Variants in PAPPA2 observed in about 807,000 individuals in gnomAD.
PAPPA2 encodes pappalysin 2.
Under a neutral mutation model 176.4 loss-of-function variants are expected in PAPPA2, and 86 were observed. That is an observed-to-expected ratio of 0.49 (90% CI 0.41 to 0.58). The LOEUF is 0.58. Ranked by LOEUF, PAPPA2 falls within the 20% of genes least tolerant of loss-of-function variation. The probability of loss-of-function intolerance (pLI) is 0.00; values close to 1 mark genes in which losing one functional copy is unlikely to be tolerated. For synonymous variants in PAPPA2, 809 were observed against 852.2 expected (o/e 0.95, Z 0.88); for missense variants, 2,073 against 2,256.9 (o/e 0.92, Z 1.65).
chr1:176,785,457 G>A (rs1381366684), intron 17 of PAPPA2, among the ~76,000 whole-genome samples: 1 of 152,126 alleles, frequency 6.6e-6, no homozygotes, highest in Non-Finnish European at 1.5e-5. Context: ...GTGCAAAGCT[G>A]TCTTCTGTAC....
intron 10 of PAPPA2, among the ~76,000 whole-genome samples, chr1:176,707,171 C>T (rs1281777013): frequency 6.6e-6 from 1 of 152,142 alleles, no homozygotes; most frequent in East Asian, 1.9e-4. Context: ...GATAACCACA[C>T]ATTGAAGTTT....
At position 176,710,167 on chromosome 1, in the gene PAPPA2, T is replaced by A; in HGVS notation, c.3642T>A (p.Pro1214=). The A allele has an allele frequency of 6.2e-7, 1 of 1,613,218 alleles. No individual in the cohort carries two copies. The highest frequency in any genetic ancestry group is 8.5e-7 in the Non-Finnish European group (1 of 1,179,518). The change falls in exon 11 of 23, where the codon CCT becomes CCA. Residue 1214 remains proline, a synonymous_variant. Coordinates refer to ENST00000367662, the MANE Select transcript of PAPPA2 (RefSeq NM_020318.3). ...KCPVSLVTGE[P]HSLICTSYHP... is the part of the protein sequence containing the mutation. Reference sequence around the variant, plus strand: ...CTGTTTCCTTGGTAACTGGAGAACCTCATTCCCTAGTAAGTTAAGCCAGAT... The same window carrying A: ...CTGTTTCCTTGGTAACTGGAGAACCACATTCCCTAGTAAGTTAAGCCAGAT...
At chr1:176,692,344 A>G in intron 6 of PAPPA2, 26 bp downstream of exon 6, 1 of 1,568,822 alleles carries the variant, frequency 6.4e-7, no homozygotes, top group Non-Finnish European at 8.7e-7. Flanking sequence ...GCTGTGGGTG[A>G]GCTGGCTTAT....
chr1:176,566,722 C>T (rs956027913), intron 2 of PAPPA2, among the ~76,000 whole-genome samples: 3 of 152,190 alleles, frequency 2.0e-5, no homozygotes, highest in African/African-American at 7.2e-5. Context: ...ATAATTTGTC[C>T]TTCCTCACCT....
chr1:176,779,633 G>A lies in PAPPA2; in HGVS notation c.4715+8453G>A, dbSNP rs148512350. Among the ~76,000 whole-genome samples the A allele has an allele frequency of 3.2e-4, 48 of 152,170 alleles. No individual in the cohort carries two copies. The East Asian group carries it at 4.2e-3, about 13-fold the overall frequency. On this transcript the variant is annotated intron_variant, in intron 17 of 22. Coordinates refer to ENST00000367662, the MANE Select transcript of PAPPA2 (RefSeq NM_020318.3). ...GGTCATGTGCTATTCATTGTACTGC[G>A]TGGTTTAAATATACTGCCTCACATA...
At chr1:176,465,321 C>A (rs368275023) in intron 1 of PAPPA2, among the ~76,000 whole-genome samples, 1 of 152,192 alleles carries the variant, frequency 6.6e-6, no homozygotes, top group South Asian at 2.1e-4. Flanking sequence ...ACATGCAAAT[C>A]ATTTCCAGAA....
chr1:176,590,597 T>G (rs1653597333), intron 2 of PAPPA2, among the ~76,000 whole-genome samples: 4 of 152,222 alleles, frequency 2.6e-5, no homozygotes. Context: ...TGTGTTATTT[T>G]ATTTAATTCT....
intron 1 of PAPPA2, among the ~76,000 whole-genome samples, chr1:176,467,720 G>A (rs115908962): frequency 5.5e-4 from 84 of 152,238 alleles, no homozygotes; most frequent in African/African-American, 2.0e-3. Context: ...AGTTTATAAG[G>A]TCACTAATTT....
At position 176,685,089 on chromosome 1, in the gene PAPPA2, T is replaced by A. The variant is rs145780222; in HGVS notation, c.2138-5048T>A. ...TATGGTCAGGCCCCACCTTCCTTTT[T>A]TTTTTTTGTAATGAATGAAGGTTAG... On this transcript the variant is annotated intron_variant, in intron 4 of 22. Transcript: ENST00000367662. Among the ~76,000 whole-genome samples the A allele has an allele frequency of 3.0e-4, 46 of 152,180 alleles. 1 individual carries two copies. In the Middle Eastern group the frequency reaches 0.01, roughly 34 times the overall value.
At chr1:176,676,917 C>A (rs924608620) in intron 4 of PAPPA2, among the ~76,000 whole-genome samples, 1 of 152,044 alleles carries the variant, frequency 6.6e-6, no homozygotes, top group Non-Finnish European at 1.5e-5. Flanking sequence ...TAAATTGTCT[C>A]ATGAATCACT....
At chr1:176,677,363 C>A (rs1420880336) in intron 4 of PAPPA2, among the ~76,000 whole-genome samples, 1 of 152,184 alleles carries the variant, frequency 6.6e-6, no homozygotes, top group Non-Finnish European at 1.5e-5. Context: ...TTCTGACTAT[C>A]AATGGCTTAA....
At position 176,595,380 on chromosome 1, in the gene PAPPA2, C is replaced by T. The variant is rs1187848986; in HGVS notation, c.1776C>T (p.Gly592=). Residue 592 remains glycine (G), a synonymous_variant, in exon 3 of 23, where the codon GGC becomes GGT. Coordinates refer to ENST00000367662, the MANE Select transcript of PAPPA2 (RefSeq NM_020318.3). ...VLVNCEPSKI[G]NDHCDPECEH... ...TGAACTGTGAGCCCAGCAAGATTGG[C>T]AATGACCATTGTGACCCCGAGTGTG... 3 of 1,614,182 alleles carry T rather than the reference C, an allele frequency of 1.9e-6. No homozygotes were observed.
chr1:176,660,369 T>G (rs1276626963), intron 3 of PAPPA2, among the ~76,000 whole-genome samples: 3 of 151,908 alleles, frequency 2.0e-5, no homozygotes, highest in African/African-American at 4.8e-5. Flanking sequence ...TGTGCTTAAG[T>G]GTAGATTTTA....
chr1:176,579,349 C>G (rs1264607029), intron 2 of PAPPA2, among the ~76,000 whole-genome samples: 2 of 152,136 alleles, frequency 1.3e-5, no homozygotes, highest in East Asian at 3.8e-4. Flanking sequence ...TCCCATTAGC[C>G]CCTCCTTATC....
intron 3 of PAPPA2, among the ~76,000 whole-genome samples, chr1:176,638,561 T>G (rs1249636402): frequency 6.6e-6 from 1 of 152,024 alleles, no homozygotes; most frequent in East Asian, 1.9e-4. Context: ...GGAAACCGAA[T>G]TGCACATTCT....
At chr1:176,744,065 T>C (rs749736209) in intron 14 of PAPPA2, among the ~76,000 whole-genome samples, 3 of 152,248 alleles carry the variant, frequency 2.0e-5, no homozygotes, top group Non-Finnish European at 4.4e-5. Context: ...CAACCTTTTA[T>C]GCAATTGTGC....
chr1:176,553,124 G>T lies in PAPPA2; in HGVS notation c.-916-2283G>T, dbSNP rs557800427. ...TATGTGTGATGGAATTGAGGAGGGG[G>T]TTGCTGTGTTTTTGATCTGATTCAC... On this transcript the variant is annotated intron_variant, in intron 1 of 22. Coordinates refer to ENST00000367662, the MANE Select transcript of PAPPA2 (RefSeq NM_020318.3). 8.1e-3 allele frequency among the ~76,000 whole-genome samples: 1,238 copies of T among 152,068 alleles called. 9 individuals carry two copies. Among genetic ancestry groups the T allele is most frequent in the Non-Finnish European group, 0.014 (953 of 67,974 alleles).
intron 3 of PAPPA2, among the ~76,000 whole-genome samples, chr1:176,659,916 T>C (rs1658263126): frequency 6.6e-6 from 1 of 152,148 alleles, no homozygotes; most frequent in Non-Finnish European, 1.5e-5. Flanking sequence ...ATTTTGCTCA[T>C]TGGCCCCAAT....
intron 1 of PAPPA2, among the ~76,000 whole-genome samples, chr1:176,495,003 G>T (rs948660803): frequency 6.6e-6 from 1 of 152,134 alleles, no homozygotes; most frequent in African/African-American, 2.4e-5. Flanking sequence ...ACTTGAGAAT[G>T]CACTGCCTAC....
Sources: gnomAD v4.1 joint callset for allele counts (sites outside exome capture counted in the v4.1 genomes callset) on GRCh38, gnomAD v4.1.1 for gene constraint, MANE v1.5 for transcripts, NCBI Gene and HGNC (gene_info 2026-07-23, HGNC 2026-07-21) for gene names.